The following BPIFB4 variants were observed in gnomAD, a reference collection of about 807,000 sequenced individuals.
The protein encoded by BPIFB4 is BPI fold containing family B member 4.
Under a neutral mutation model 69.2 loss-of-function variants are expected in BPIFB4, and 62 were observed. The observed-to-expected ratio is 0.90, with a 90% CI of 0.73 to 1.11. The LOEUF is 1.11. BPIFB4 is among the 50% of genes least tolerant of loss of function. The pLI is 0.00. For missense variants in BPIFB4, 789 were observed against 792.0 expected (o/e 1.00, Z 0.04); for synonymous variants, 330 against 332.7 (o/e 0.99, Z 0.09).
chr20:33,083,627 G>C lies in BPIFB4; in HGVS notation c.430G>C (p.Val144Leu). The change falls in exon 5 of 18, where the codon GTG (valine) becomes CTG (leucine). Residue 144 changes from valine to leucine, a missense_variant. Physicochemically the swap from Val to Leu is conservative, Grantham distance 32. Transcript: ENST00000375483. The stretch of plus-strand genomic sequence containing the variant: ...CCTCGGGCGATACAGGGCAGCACCT[G>C]TGGGCAGGCTTCACCGGCGAGAGCT... ...RGLGRYRAAP[V>L]GRLHRRELQP... 6.2e-7 allele frequency: 1 copy of C among 1,614,142 alleles called. No individual in the cohort carries two copies. The highest frequency in any genetic ancestry group is 8.5e-7 in the Non-Finnish European group (1 of 1,180,010).
At chr20:33,110,296 A>G (rs557413590) in intron 17 of BPIFB4, among the ~76,000 whole-genome samples, 47 of 152,224 alleles carry the variant, frequency 3.1e-4, no homozygotes, top group African/African-American at 9.6e-4. Context: ...CCTGGATTTG[A>G]TGGACACTTT....
intron 11 of BPIFB4, among the ~76,000 whole-genome samples, chr20:33,094,115 A>C (rs910246345): frequency 1.4e-4 from 22 of 152,240 alleles, no homozygotes; most frequent in African/African-American, 5.3e-4. Flanking sequence ...GCTTCCATTA[A>C]GAGAAAAGTC....
Position 33,089,509 on chromosome 20 carries a change from C to A in BPIFB4, c.1002C>A (p.Ile334=), listed in dbSNP as rs754525384. The stretch of plus-strand genomic sequence containing the variant: ...TTTCTCCCCTGCAGCTCTGCCCCAT[C>A]GTGGATGTGGTGCTGGGTCTTGTCA... ...ADVLPDLLCP[I]VDVVLGLVND... The change falls in exon 9 of 18, where the codon ATC becomes ATA. Residue 334 remains isoleucine, a synonymous_variant. Coordinates refer to ENST00000375483, the MANE Select transcript of BPIFB4 (RefSeq NM_182519.3). The A allele has an allele frequency of 1.2e-6, 2 of 1,614,222 alleles. No individual in the cohort carries two copies. The highest frequency in any genetic ancestry group is 1.7e-6 in the Non-Finnish European group (2 of 1,180,040).
At chr20:33,108,602 C>T (rs1320818259) in intron 17 of BPIFB4, among the ~76,000 whole-genome samples, 1 of 151,988 alleles carries the variant, frequency 6.6e-6, no homozygotes, top group Non-Finnish European at 1.5e-5. Context: ...CAAATCCTAA[C>T]TCTGCCAGTT....
At position 33,084,946 on chromosome 20, in the gene BPIFB4, C is replaced by T. The variant is rs772317789; in HGVS notation, c.732C>T (p.Gly244=). The T allele has an allele frequency of 1.6e-5, 25 of 1,611,526 alleles. No individual in the cohort carries two copies. Among genetic ancestry groups the T allele is most frequent in the African/African-American group, 9.3e-5 (7 of 74,916 alleles). ...LPRVSVRLLP[G]VGVYLSLYTR... The stretch of plus-strand genomic sequence containing the variant: ...GGGTGTCCGTGCGGCTCCTGCCCGG[C>T]GTGGGTGTCTACCTGAGCTTGTACA... The change falls in exon 6 of 18, where the codon GGC becomes GGT. Residue 244 remains glycine (G), a synonymous_variant. Coordinates refer to ENST00000375483, the MANE Select transcript of BPIFB4 (RefSeq NM_182519.3).
chr20:33,109,640 A>G (rs1166970706), intron 17 of BPIFB4, among the ~76,000 whole-genome samples: 3 of 152,206 alleles, frequency 2.0e-5, no homozygotes, highest in African/African-American at 7.2e-5. Flanking sequence ...GCATATTTTC[A>G]TATCAAAATA....
chr20:33,108,436 T>TATATATATATATATATATAG (rs1271417747), intron 17 of BPIFB4, among the ~76,000 whole-genome samples: 1 of 148,514 alleles, frequency 6.7e-6, no homozygotes, highest in Non-Finnish European at 1.5e-5. Flanking sequence ...TATATATATA[T>TATATATATATATATATATAG]AGACATATAT....
At chr20:33,090,673 G>C in intron 9 of BPIFB4, 35 bp from the exon 10 acceptor site, 1 of 1,611,500 alleles carries the variant, frequency 6.2e-7, no homozygotes, top group Non-Finnish European at 8.5e-7. Flanking sequence ...TGGATGGTGA[G>C]GGGACCTCCC....
At chr20:33,091,817 TAA>T (rs1981608287) in intron 10 of BPIFB4, among the ~76,000 whole-genome samples, 1 of 152,264 alleles carries the variant, frequency 6.6e-6, no homozygotes, top group Non-Finnish European at 1.5e-5. Flanking sequence ...TATGCAATTC[TAA>T]GTCATGAGCA....
At chr20:33,108,159 G>A (rs368211851) in intron 17 of BPIFB4, among the ~76,000 whole-genome samples, 20 of 152,220 alleles carry the variant, frequency 1.3e-4, no homozygotes, top group African/African-American at 4.8e-4. Flanking sequence ...AGCACCTACT[G>A]TGTGCCAGGC....
intron 6 of BPIFB4, among the ~76,000 whole-genome samples, chr20:33,085,683 C>G (rs899588321): frequency 6.6e-6 from 1 of 152,192 alleles, no homozygotes; most frequent in African/African-American, 2.4e-5. Flanking sequence ...CTTCCATGCA[C>G]TAGGTGCTGA....
In BPIFB4 at chr20:33,089,552, G is replaced by A. The variant is rs761710384; in HGVS notation, c.1045G>A (p.Val349Met). 13 of 1,614,254 alleles carry A rather than the reference G, an allele frequency of 8.1e-6. No homozygotes were observed. The highest frequency in any genetic ancestry group is 3.3e-5 in the Admixed American group (2 of 60,030). ...TCTTGTCAATGACCAGCTGGGCCTC[G>A]TGGATTGTAAGTCCAATACACTTTC... ...LGLVNDQLGL[V>M]DSLIPLGILG... Residue 349 changes from valine (V) to methionine (M), a missense_variant, in exon 9 of 18, where the codon GTG (valine) becomes ATG (methionine). Val to Met is a conservative substitution (Grantham distance 21). This residue lies in a region of BPIFB4 where 611 missense variants were observed against 575.4 expected (regional missense o/e 1.06). Transcript: ENST00000375483.
In BPIFB4 at chr20:33,086,080, C is replaced by A; in HGVS notation, c.842C>A (p.Thr281Asn). The A allele has an allele frequency of 6.2e-7, 1 of 1,613,516 alleles. No individual in the cohort carries two copies. Among genetic ancestry groups the A allele is most frequent in the Non-Finnish European group, 8.5e-7 (1 of 1,179,478 alleles). The change falls in exon 7 of 18, where the codon ACC becomes AAC. Residue 281 changes from threonine (T) to asparagine (N), a missense_variant. By Grantham distance (65) the Thr-to-Asn change is moderately conservative. This residue lies in a region of BPIFB4 where 611 missense variants were observed against 575.4 expected (regional missense o/e 1.06). Transcript: ENST00000375483. ...EVNITAKVRL[T>N]MDRTGYPRLV... ...AACATCACAGCCAAGGTCCGGCTGACCATGGACCGCACGGGTTATCCTCGG... is the reference window on the plus strand; with the variant it reads ...AACATCACAGCCAAGGTCCGGCTGAACATGGACCGCACGGGTTATCCTCGG...
In BPIFB4 at chr20:33,100,436, T is replaced by C. The variant is rs781571500; in HGVS notation, c.1580T>C (p.Phe527Ser). 4 of 1,600,720 alleles carry C rather than the reference T, an allele frequency of 2.5e-6. No individual in the cohort carries two copies. Among genetic ancestry groups the C allele is most frequent in the Non-Finnish European group, 3.4e-6 (4 of 1,167,764 alleles). The change falls in exon 14 of 18, where the codon TTC (phenylalanine) becomes TCC (serine). Residue 527 changes from phenylalanine (F) to serine (S), a missense_variant. Coordinates refer to ENST00000375483, the MANE Select transcript of BPIFB4 (RefSeq NM_182519.3). Reference protein sequence around the residue: ...TICLIDVDTEFLASFSTEGDK... With the variant: ...TICLIDVDTESLASFSTEGDK... ...TTCCTTTCCCTCCAGGACACAGAAT[T>C]CTTGGCCTCATTTTCCACAGAAGGA...
intron 16 of BPIFB4, among the ~76,000 whole-genome samples, chr20:33,106,349 G>T (rs566303419): frequency 1.4e-3 from 211 of 151,594 alleles, no homozygotes; most frequent in Admixed American, 2.2e-3. Context: ...AGGGCTGGGT[G>T]ATGCTGGGGA....
At position 33,083,547 on chromosome 20, in the gene BPIFB4, A is replaced by T. The variant is rs1568999916; in HGVS notation, c.350A>T (p.Asp117Val). 3 of 1,613,808 alleles carry T rather than the reference A, an allele frequency of 1.9e-6. No homozygotes were observed. Among genetic ancestry groups the T allele is most frequent in the Non-Finnish European group, 2.5e-6 (3 of 1,179,918 alleles). The change falls in exon 5 of 18, where the codon GAC becomes GTC. Residue 117 changes from aspartate to valine, a missense_variant. Coordinates refer to ENST00000375483, the MANE Select transcript of BPIFB4 (RefSeq NM_182519.3). ...CTTGAGTCCGAGGGAAGCATCAGGGACCTCCGAAACAGTGGCTATCGCAGT... is the reference window on the plus strand; with the variant it reads ...CTTGAGTCCGAGGGAAGCATCAGGGTCCTCCGAAACAGTGGCTATCGCAGT... ...EILESEGSIR[D>V]LRNSGYRSAE...
In BPIFB4 at chr20:33,081,643, C is replaced by A. The variant is rs1340711681; in HGVS notation, c.106+11C>A. On this transcript the variant is annotated intron_variant, in intron 3 of 17. Transcript: ENST00000375483. Reference sequence around the variant, plus strand: ...ATGTGTTGAGCAATGGTGAGTCCAGCCCCAAAGGGGTGAGGGTTGGCATGG... The same window carrying A: ...ATGTGTTGAGCAATGGTGAGTCCAGACCCAAAGGGGTGAGGGTTGGCATGG... 2 of 1,551,518 alleles carry A rather than the reference C, an allele frequency of 1.3e-6. No homozygotes were observed. Among genetic ancestry groups the A allele is most frequent in the East Asian group, 2.4e-5 (1 of 40,920 alleles).
Position 33,090,739 on chromosome 20 carries a change from C to G in BPIFB4, c.1083C>G (p.Val361=). The change falls in exon 10 of 18, where the codon GTC becomes GTG. Residue 361 remains valine, a synonymous_variant. Transcript: ENST00000375483. ...TTCCTCTGGGGATATTGGGAAGTGT[C>G]CAGTACACCTTCTCCAGCCTCCCGC... ...SLIPLGILGS[V]QYTFSSLPLV... is the part of the protein sequence containing the mutation. 1 of 1,614,194 alleles carries G rather than the reference C, an allele frequency of 6.2e-7. No homozygotes were observed. The highest frequency in any genetic ancestry group is 8.5e-7 in the Non-Finnish European group (1 of 1,180,042).
chr20:33,085,974 C>A, intron 6 of BPIFB4, 47 bp from the exon 7 acceptor site: 2 of 1,575,034 alleles, frequency 1.3e-6, no homozygotes, highest in Non-Finnish European at 1.7e-6. Context: ...GAGCTCCTGG[C>A]GGCTGGGGGT....
Sources: allele counts gnomAD v4.1 joint callset (sites outside exome capture counted in the v4.1 genomes callset), GRCh38; gene constraint gnomAD v4.1.1; regional missense constraint gnomAD v4.1.1; transcripts MANE v1.5; gene names NCBI Gene and HGNC (gene_info 2026-07-23, HGNC 2026-07-21).